The following KLK10 variants were observed in gnomAD, a reference collection of about 807,000 sequenced individuals.
The protein encoded by KLK10 is kallikrein-10.
In KLK10, 27 loss-of-function variants were observed where a neutral mutation model predicts 25.7. That is an observed-to-expected ratio of 1.05 (90% CI 0.77 to 1.45). The LOEUF (loss-of-function observed/expected upper bound fraction) is 1.45. Ranked by LOEUF, KLK10 falls within the 40% of genes most tolerant of loss-of-function variation. The pLI, the probability that KLK10 is intolerant of heterozygous loss-of-function variation, is 0.00. For synonymous variants in KLK10, 173 were observed against 160.1 expected (o/e 1.08, Z -0.61); for missense variants, 386 against 370.0 (o/e 1.04, Z -0.35).
Position 51,013,581 on chromosome 19 carries a change from T to C in KLK10, c.*1219A>G, listed in dbSNP as rs6509511. The C allele has an allele frequency of 0.64, 98,163 of 153,184 alleles. 32,730 individuals carry two copies. Among genetic ancestry groups the C allele is most frequent in the African/African-American group, 0.83 (34,634 of 41,490 alleles). 9.5% of individuals were successfully genotyped at this position (153,184 alleles called of 1,614,324 possible). ...ATGGGATTATAGGTGCCTGCCACCA[T>C]GCCTGGCTAGTTTTTGTATTTTCAG... On this transcript the variant is annotated 3_prime_UTR_variant, in exon 6 of 6. Transcript: ENST00000358789.
chr19:51,014,612 T>C lies in KLK10; in HGVS notation c.*188A>G. ...TTTCAGCTTCAGTACAGGCAGAGAA[T>C]GGGGATAGGTGGGGGAATGAGGTGA... On this transcript the variant is annotated 3_prime_UTR_variant, in exon 6 of 6. Transcript: ENST00000358789. 1 of 516,774 alleles carries C rather than the reference T, an allele frequency of 1.9e-6. No homozygotes were observed. Among genetic ancestry groups the C allele is most frequent in the Non-Finnish European group, 3.4e-6 (1 of 291,398 alleles). The allele number at this position is 516,774 out of a possible 1,614,324, so 32.0% of individuals were successfully genotyped here.
intron 2 of KLK10, 25 bp from the exon 3 acceptor site, chr19:51,017,315 C>G (rs754668109): frequency 6.3e-7 from 1 of 1,579,394 alleles, no homozygotes; most frequent in Non-Finnish European, 8.6e-7. Flanking sequence ...GGGACGGAAT[C>G]AAAGCACGGA....
At position 51,015,958 on chromosome 19, in the gene KLK10, C is replaced by A. The variant is rs1471316785; in HGVS notation, c.468G>T (p.Leu156=). 6.3e-7 allele frequency: 1 copy of A among 1,587,638 alleles called. No individual in the cohort carries two copies. The highest frequency in any genetic ancestry group is 8.6e-7 in the Non-Finnish European group (1 of 1,168,702). ...GCTGAGCACAGCGGTAGGGAAGCTGCAGGGCCCGGACGCGGGGCCCCAGCA... is the reference window on the plus strand; with the variant it reads ...GCTGAGCACAGCGGTAGGGAAGCTGAAGGGCCCGGACGCGGGGCCCCAGCA... ...PVVLGPRVRA[L]QLPYRCAQPG... The change falls in exon 4 of 6, where the codon CTG becomes CTT. Residue 156 remains leucine, a synonymous_variant. Transcript: ENST00000358789.
At chr19:51,015,792 C>T in intron 4 of KLK10, 90 bp downstream of exon 4, 1 of 1,316,498 alleles carries the variant, frequency 7.6e-7, no homozygotes, top group South Asian at 1.5e-5. Flanking sequence ...TCCAGGAATC[C>T]AGTCCCCAGC....
At chr19:51,015,269 A>G (rs561465079) in intron 5 of KLK10, 148 bp downstream of exon 5, 7 of 849,768 alleles carry the variant, frequency 8.2e-6, no homozygotes. Context: ...GAGGATAGGG[A>G]TGAGGAGGGG....
Position 51,019,107 on chromosome 19 carries a change from G to A in KLK10, c.24C>T (p.Leu8=). The change falls in exon 2 of 6, where the codon CTC becomes CTT. Residue 8 remains leucine, a synonymous_variant. Coordinates refer to ENST00000358789, the MANE Select transcript of KLK10 (RefSeq NM_145888.3). The surrounding 1 kb of genome is among the most constrained non-coding windows in gnomAD (Gnocchi z 4.2). ...GAGCCCGGGCGCCAGAGGCGGCGGA[G>A]AGGTGGAGGTGCGGAGCTCTCATGG... The part of the protein sequence containing the change: MRAPHLH[L]SAASGARALA... 1 of 1,609,482 alleles carries A rather than the reference G, an allele frequency of 6.2e-7. No homozygotes were observed. Among genetic ancestry groups the A allele is most frequent in the Non-Finnish European group, 8.5e-7 (1 of 1,179,460 alleles).
intron 3 of KLK10, among the ~76,000 whole-genome samples, 173 bp from the exon 4 acceptor site, chr19:51,016,329 C>A (rs2091328227): frequency 6.6e-6 from 1 of 152,094 alleles, no homozygotes; most frequent in Admixed American, 6.5e-5. Context: ...CTCTGAGGAT[C>A]TGTAGGAATT....
intron 2 of KLK10, 94 bp from the exon 3 acceptor site, chr19:51,017,384 C>T: frequency 8.5e-7 from 1 of 1,178,984 alleles, no homozygotes; most frequent in Non-Finnish European, 1.2e-6. Context: ...CGTTCGGGGA[C>T]GGGGGACGCA....
rs1295146597 is a variant in KLK10 at position 51,014,785 on chromosome 19, AGC to A, written c.*13_*14del. 2 of 1,574,870 alleles carry A rather than the reference AGC, an allele frequency of 1.3e-6. No homozygotes were observed. The highest frequency in any genetic ancestry group is 3.6e-4 in the Middle Eastern group (2 of 5,530). ...GGAGCATAACATCTGGATCAGCTGG[AGC>A]GTAGCATCTGGATCAGTTGGAGCGT... On this transcript the variant is annotated 3_prime_UTR_variant, in exon 6 of 6. Coordinates refer to ENST00000358789, the MANE Select transcript of KLK10 (RefSeq NM_145888.3).
chr19:51,016,244 A>G, intron 3 of KLK10, 88 bp from the exon 4 acceptor site: 1 of 1,408,424 alleles, frequency 7.1e-7, no homozygotes, highest in Non-Finnish European at 9.4e-7. Context: ...GGAGATAGGA[A>G]GAGTCTGAGG....
intron 3 of KLK10, among the ~76,000 whole-genome samples, chr19:51,016,652 G>A (rs2091332456): frequency 6.7e-6 from 1 of 150,278 alleles, no homozygotes; most frequent in Admixed American, 6.6e-5. Context: ...TGGCCAGGCT[G>A]GTCTTGAACT....
rs1230633697 is a variant in KLK10, at chr19:51,016,130, T to G, written c.296A>C (p.Asp99Ala). Residue 99 changes from aspartate to alanine, a missense_variant, in exon 4 of 6, where the codon GAC (aspartate) becomes GCC (alanine). Physicochemically the swap from Asp to Ala is moderately radical, Grantham distance 126 (BLOSUM62 -2). Coordinates refer to ENST00000358789, the MANE Select transcript of KLK10 (RefSeq NM_145888.3). Reference sequence around the variant, plus strand: ...CTCTCCCTGAAGAAGCAGCAGGTGGTCATCCCCTACTCGAGCCCACAGTGG... The same window carrying G: ...CTCTCCCTGAAGAAGCAGCAGGTGGGCATCCCCTACTCGAGCCCACAGTGG... ...NKPLWARVGD[D>A]HLLLLQGEQL... The G allele has an allele frequency of 1.9e-6, 3 of 1,587,956 alleles. No homozygotes were observed.
chr19:51,016,654 T>C (rs929003737), intron 3 of KLK10, among the ~76,000 whole-genome samples: 2 of 151,468 alleles, frequency 1.3e-5, no homozygotes, highest in Admixed American at 6.6e-5. Context: ...GCCAGGCTGG[T>C]CTTGAACTCC....
intron 4 of KLK10, 62 bp downstream of exon 4, chr19:51,015,820 C>T: frequency 7.0e-7 from 1 of 1,421,272 alleles, no homozygotes; most frequent in East Asian, 2.4e-5. Context: ...TCCTCAGACC[C>T]AGGGGTTCAG....
rs1387861991 is a variant in KLK10, at chr19:51,019,387, C to A, written c.-10+240G>T. 7.2e-5 allele frequency among the ~76,000 whole-genome samples: 11 copies of A among 152,218 alleles called. No individual in the cohort carries two copies. The East Asian group carries it at 1.7e-3, about 24-fold the overall frequency. The stretch of plus-strand genomic sequence containing the variant: ...GTGCCCGAGTGGAGCGCTCTCCGCG[C>A]CCCAGCTACCCTGGCTGCAGCCACG... On this transcript the variant is annotated intron_variant, in intron 1 of 5. Coordinates refer to ENST00000358789, the MANE Select transcript of KLK10 (RefSeq NM_145888.3). The surrounding 1 kb of genome is among the most constrained non-coding windows in gnomAD (Gnocchi z 4.2).
chr19:51,014,738 C>A lies in KLK10; in HGVS notation c.*62G>T, dbSNP rs1173080387. On this transcript the variant is annotated 3_prime_UTR_variant, in exon 6 of 6. Coordinates refer to ENST00000358789, the MANE Select transcript of KLK10 (RefSeq NM_145888.3). The stretch of plus-strand genomic sequence containing the variant: ...GGGAGGAAGAGGATGGACGATGGAG[C>A]CTCTGGGCATCTGGATCAGCAGGAG... 2 of 1,558,956 alleles carry A rather than the reference C, an allele frequency of 1.3e-6. No individual in the cohort carries two copies. Among genetic ancestry groups the A allele is most frequent in the Non-Finnish European group, 8.8e-7 (1 of 1,137,998 alleles).
chr19:51,015,552 T>A lies in KLK10; in HGVS notation c.545-2A>T. On this transcript the variant is annotated splice_acceptor_variant, in intron 4 of 5. Transcript: ENST00000358789. LOFTEE classifies it high-confidence loss of function. ...AGGTCAGGCCCTTGTTGTACTTCAC[T>A]GAAGGGAGAATATGCCAGTAATCCC... The A allele has an allele frequency of 6.2e-7, 1 of 1,613,220 alleles. No individual in the cohort carries two copies. Among genetic ancestry groups the A allele is most frequent in the South Asian group, 1.1e-5 (1 of 91,066 alleles).
chr19:51,018,979 C>G, intron 2 of KLK10, 64 bp downstream of exon 2: 1 of 1,204,906 alleles, frequency 8.3e-7, no homozygotes, highest in Non-Finnish European at 1.2e-6. Context: ...GTGACGGGAA[C>G]ACATTCTCCT....
Position 51,015,445 on chromosome 19 carries a change from C to A in KLK10, c.650G>T (p.Gly217Val). The A allele has an allele frequency of 1.9e-6, 3 of 1,613,868 alleles. No individual in the cohort carries two copies. The highest frequency in any genetic ancestry group is 2.5e-6 in the Non-Finnish European group (3 of 1,179,908). ...GVVTNNMICA[G>V]LDRGQDPCQS... Reference sequence around the variant, plus strand: ...GCAAGGGTCCTGGCCCCGGTCCAGTCCAGCACATATCATGTTGTTGGTGAC... The same window carrying A: ...GCAAGGGTCCTGGCCCCGGTCCAGTACAGCACATATCATGTTGTTGGTGAC... The change falls in exon 5 of 6, where the codon GGA (glycine) becomes GTA (valine). Residue 217 changes from glycine (G) to valine (V), a missense_variant. By Grantham distance (109) the Gly-to-Val change is moderately radical. Transcript: ENST00000358789.
Sources: allele counts gnomAD v4.1 joint callset (sites outside exome capture counted in the v4.1 genomes callset), GRCh38; gene constraint gnomAD v4.1.1; non-coding constraint Gnocchi (gnomAD v3.1); transcripts MANE v1.5; gene names NCBI Gene and HGNC (gene_info 2026-07-23, HGNC 2026-07-21).